ICE1: variants seen among roughly 807,000 people sequenced by gnomAD.
ICE1 encodes little elongation complex subunit 1.
Under a neutral mutation model 192.7 loss-of-function variants are expected in ICE1, and 64 were observed. The observed-to-expected ratio is 0.33, with a 90% CI of 0.27 to 0.41. The LOEUF (loss-of-function observed/expected upper bound fraction) is 0.41, where lower values mean the gene tolerates loss of function less well. ICE1 is among the 10% of genes least tolerant of loss of function. The pLI, the probability that ICE1 is intolerant of heterozygous loss-of-function variation, is 1.00. For synonymous variants in ICE1, 1,010 were observed against 984.5 expected, an observed-to-expected ratio of 1.03 and a Z score of -0.49; for missense variants, 2,708 against 2,696.0, an observed-to-expected ratio of 1.00 and a Z score of -0.10.
rs752426264 is a variant in ICE1, at chr5:5,462,274, T to A, written c.2940T>A (p.Asp980Glu). 4 of 1,613,448 alleles carry A rather than the reference T, an allele frequency of 2.5e-6. No individual in the cohort carries two copies. The South Asian group carries it at 4.4e-5, about 18-fold the overall frequency. Reference sequence around the variant, plus strand: ...TGAGAGAAGCTGCAGTGCAGGGAGATGGGCAGAAGCAAAGGCAGCCTCAGG... The same window carrying A: ...TGAGAGAAGCTGCAGTGCAGGGAGAAGGGCAGAAGCAAAGGCAGCCTCAGG... ...DIVREAAVQG[D>E]GQKQRQPQAT... The change falls in exon 13 of 19, where the codon GAT becomes GAA. Residue 980 changes from aspartate (D) to glutamate (E), a missense_variant. Coordinates refer to ENST00000296564, the MANE Select transcript of ICE1 (RefSeq NM_015325.3).
chr5:5,467,223 A>AT (rs559366974), intron 14 of ICE1, among the ~76,000 whole-genome samples: 21 of 151,610 alleles, frequency 1.4e-4, no homozygotes, highest in South Asian at 6.2e-4. Context: ...TCAGTCATTC[A>AT]TTCAACAAAT....
Position 5,463,222 on chromosome 5 carries a change from TGA to T in ICE1, c.3891_3892del (p.Asn1298PhefsTer30). ...LLNVNNNMTT[E>X]NLKEKSPFRE... Reference sequence around the variant, plus strand: ...TAAATGTAAATAACAACATGACCACTGAGAATTTAAAAGAGAAAAGTCCATTT... The same window carrying T: ...TAAATGTAAATAACAACATGACCACTGAATTTAAAAGAGAAAAGTCCATTT... On this transcript the variant is annotated frameshift_variant, in exon 13 of 19. Coordinates refer to ENST00000296564, the MANE Select transcript of ICE1 (RefSeq NM_015325.3). LOFTEE classifies it high-confidence loss of function. 1 of 1,611,698 alleles carries T rather than the reference TGA, an allele frequency of 6.2e-7. No individual in the cohort carries two copies. Among genetic ancestry groups the T allele is most frequent in the Non-Finnish European group, 8.5e-7 (1 of 1,179,178 alleles).
Position 5,443,028 on chromosome 5 carries a change from TC to T in ICE1, c.310-139del, listed in dbSNP as rs199896815. On this transcript the variant is annotated intron_variant, in intron 5 of 18. Coordinates refer to ENST00000296564, the MANE Select transcript of ICE1 (RefSeq NM_015325.3). ...TTCATCTATTAAGAATCTGGTTACC[TC>T]TATTAAAATATTCAGTGACTATTTT... 5.1e-3 allele frequency: 2,719 copies of T among 533,952 alleles called. 55 individuals carry two copies. Among genetic ancestry groups the T allele is most frequent in the African/African-American group, 0.049 (2,438 of 49,748 alleles). The allele number at this position is 533,952 out of a possible 1,614,324, so 33.1% of individuals were successfully genotyped here. A position where few individuals can be genotyped will look rare whatever the true frequency, so the allele number is the denominator to read the frequency against.
intron 1 of ICE1, among the ~76,000 whole-genome samples, chr5:5,436,165 G>A (rs760691127): frequency 3.3e-5 from 5 of 152,004 alleles, no homozygotes; most frequent in African/African-American, 1.2e-4. Flanking sequence ...TGAGCTCTGT[G>A]GCTAATTGCA....
chr5:5,467,615 C>T (rs1434244103), intron 14 of ICE1, among the ~76,000 whole-genome samples: 1 of 152,158 alleles, frequency 6.6e-6, no homozygotes, highest in East Asian at 1.9e-4. Flanking sequence ...CTCTCTGCTC[C>T]TCTAGCTTGT....
intron 1 of ICE1, among the ~76,000 whole-genome samples, chr5:5,427,558 A>T (rs1361952036): frequency 6.6e-6 from 1 of 152,190 alleles, no homozygotes. Context: ...AGTGAGTTTG[A>T]TGTATGGTTG....
intron 17 of ICE1, among the ~76,000 whole-genome samples, chr5:5,483,361 A>C (rs1012871027): frequency 6.6e-5 from 10 of 152,190 alleles, no homozygotes; most frequent in African/African-American, 1.9e-4. Flanking sequence ...ACAGTAAAAC[A>C]AGCTTTAGGT....
intron 7 of ICE1, among the ~76,000 whole-genome samples, 181 bp downstream of exon 7, chr5:5,444,507 C>T (rs1314145250): frequency 1.3e-5 from 2 of 152,098 alleles, no homozygotes; most frequent in Non-Finnish European, 2.9e-5. Flanking sequence ...TCTCAGTTAC[C>T]AAATGGTAAC....
In ICE1 at chr5:5,461,677, T is replaced by G. The variant is rs1489783013; in HGVS notation, c.2343T>G (p.Ser781Arg). Reference sequence around the variant, plus strand: ...GTTCTCAGGCTGCCTTGATCAAGAGTGGTTTGGGTTTTGTTAAAAGTACTT... The same window carrying G: ...GTTCTCAGGCTGCCTTGATCAAGAGGGGTTTGGGTTTTGTTAAAAGTACTT... ...LIGSQAALIK[S>R]GLGFVKSTSW... The change falls in exon 13 of 19, where the codon AGT (serine) becomes AGG (arginine). Residue 781 changes from serine (S) to arginine (R), a missense_variant. By Grantham distance (110) the Ser-to-Arg change is moderately radical (BLOSUM62 -1). Coordinates refer to ENST00000296564, the MANE Select transcript of ICE1 (RefSeq NM_015325.3). 1 of 1,613,726 alleles carries G rather than the reference T, an allele frequency of 6.2e-7. No homozygotes were observed. The highest frequency in any genetic ancestry group is 1.7e-5 in the Admixed American group (1 of 60,004).
intron 2 of ICE1, 75 bp from the exon 3 acceptor site, chr5:5,437,005 G>A (rs1244005788): frequency 2.1e-6 from 2 of 950,074 alleles, no homozygotes; most frequent in Admixed American, 2.0e-5. Context: ...TGCCTTGCAT[G>A]GATTGAAACA....
chr5:5,430,694 G>C (rs1561071980), intron 1 of ICE1, among the ~76,000 whole-genome samples: 3 of 152,102 alleles, frequency 2.0e-5, no homozygotes, highest in African/African-American at 7.2e-5. Flanking sequence ...CTCTCTTACT[G>C]CCCCATACTC....
chr5:5,452,933 T>C (rs1468017375), intron 10 of ICE1, among the ~76,000 whole-genome samples: 3 of 152,200 alleles, frequency 2.0e-5, no homozygotes, highest in African/African-American at 4.8e-5. Context: ...GGAGGTGTTG[T>C]CTTCACAACT....
In ICE1 at chr5:5,461,074, A is replaced by T. The variant is rs1237735319; in HGVS notation, c.1740A>T (p.Thr580=). The change falls in exon 13 of 19, where the codon ACA becomes ACT. Residue 580 remains threonine, a synonymous_variant. Coordinates refer to ENST00000296564, the MANE Select transcript of ICE1 (RefSeq NM_015325.3). ...TCACTTCTGAACCAGACCGTATCAC[A>T]GTTTCTGGCCATTTTCACAGACTAT... The part of the protein sequence containing the change: ...NEITSEPDRI[T]VSGHFHRLSR... The T allele has an allele frequency of 4.3e-6, 7 of 1,614,068 alleles. No homozygotes were observed. The highest frequency in any genetic ancestry group is 5.9e-6 in the Non-Finnish European group (7 of 1,179,898).
At chr5:5,429,260 C>A (rs911895385) in intron 1 of ICE1, among the ~76,000 whole-genome samples, 1 of 152,132 alleles carries the variant, frequency 6.6e-6, no homozygotes, top group South Asian at 2.1e-4. Flanking sequence ...TTCCAGACCC[C>A]CACAAGGAAA....
intron 1 of ICE1, among the ~76,000 whole-genome samples, chr5:5,434,281 C>A (rs1434059639): frequency 6.6e-6 from 1 of 152,080 alleles, no homozygotes; most frequent in African/African-American, 2.4e-5. Context: ...CCTGTTATTA[C>A]CCTTACTATT....
rs1290639221 is a variant in ICE1 at position 5,441,187 on chromosome 5, A to G, written c.273A>G (p.Glu91=). 1.9e-6 allele frequency: 3 copies of G among 1,563,704 alleles called. No individual in the cohort carries two copies. The highest frequency in any genetic ancestry group is 2.6e-6 in the Non-Finnish European group (3 of 1,152,736). The change falls in exon 5 of 19, where the codon GAA becomes GAG. Residue 91 remains glutamate (E), a synonymous_variant. Transcript: ENST00000296564. The part of the protein sequence containing the change: ...KISPLQKCQE[E]LGSLKAELEE... ...CTCCTCTACAGAAATGTCAGGAAGA[A>G]CTGGGATCTTTAAAAGCAGAGCTAG...
chr5:5,444,349 GAA>G, intron 7 of ICE1, 23 bp downstream of exon 7: 1 of 1,543,284 alleles, frequency 6.5e-7, no homozygotes, highest in Non-Finnish European at 8.8e-7. Context: ...ATTGTTACCT[GAA>G]GTTTTCGGTC....
At chr5:5,459,936 A>G (rs1227476992) in intron 12 of ICE1, among the ~76,000 whole-genome samples, 3 of 152,140 alleles carry the variant, frequency 2.0e-5, no homozygotes, top group African/African-American at 4.8e-5. Flanking sequence ...GCACTCTGTG[A>G]GGACATGTTG....
chr5:5,423,023 GGC>G, intron 1 of ICE1, 24 bp downstream of exon 1: 1 of 1,343,062 alleles, frequency 7.4e-7, no homozygotes, highest in South Asian at 1.8e-5. Flanking sequence ...CGGGGCCCCG[GGC>G]GCGGGGGGGG....
Sources: gnomAD v4.1 joint callset for allele counts (sites outside exome capture counted in the v4.1 genomes callset) on GRCh38, gnomAD v4.1.1 for gene constraint, MANE v1.5 for transcripts, NCBI Gene and HGNC (gene_info 2026-07-23, HGNC 2026-07-21) for gene names.